HPSE2: variants seen among roughly 807,000 people sequenced by gnomAD.
The protein encoded by HPSE2 is inactive heparanase-2.
Under a neutral mutation model 60.5 loss-of-function variants are expected in HPSE2, and 38 were observed. The observed-to-expected ratio is 0.63, with a 90% confidence interval of 0.48 to 0.82. The LOEUF is 0.82. Among genes scored for constraint, HPSE2 ranks in the 40% least tolerant of loss-of-function variants. The pLI, the probability that HPSE2 is intolerant of heterozygous loss-of-function variation, is 0.00. For synonymous variants in HPSE2, 295 were observed against 293.2 expected, an observed-to-expected ratio of 1.01 and a Z score of -0.06; for missense variants, 713 against 740.4, an observed-to-expected ratio of 0.96 and a Z score of 0.43.
chr10:99,235,456 G>T, intron 1 of HPSE2, 57 bp downstream of exon 1: 3 of 1,474,126 alleles, frequency 2.0e-6, no homozygotes, highest in Non-Finnish European at 2.8e-6. Flanking sequence ...GGATAGGAAG[G>T]GCTTGAGGGG....
intron 11 of HPSE2, among the ~76,000 whole-genome samples, chr10:98,472,397 C>G (rs1940815328): frequency 6.6e-6 from 1 of 152,134 alleles, no homozygotes; most frequent in Non-Finnish European, 1.5e-5. Flanking sequence ...GCTTGTCTTT[C>G]CTGCTGAGGG....
At chr10:99,086,929 T>C (rs927506016) in intron 3 of HPSE2, among the ~76,000 whole-genome samples, 2 of 152,214 alleles carry the variant, frequency 1.3e-5, no homozygotes, top group Non-Finnish European at 2.9e-5. Context: ...AAAAGATCCC[T>C]AGCAATTATT....
intron 2 of HPSE2, among the ~76,000 whole-genome samples, chr10:99,204,203 C>T (rs1022482256): frequency 9.2e-5 from 14 of 152,090 alleles, no homozygotes. Flanking sequence ...AACCTAGGCT[C>T]GAGGCCCAAT....
At chr10:98,722,508 G>C (rs1948953062) in intron 4 of HPSE2, among the ~76,000 whole-genome samples, 1 of 152,070 alleles carries the variant, frequency 6.6e-6, no homozygotes, top group South Asian at 2.1e-4. Flanking sequence ...CGAAATTTGT[G>C]ATAATTTGTT....
At chr10:99,241,541 G>T in the HPSE2 span, among the ~76,000 whole-genome samples, 2 of 152,112 alleles carry the variant, frequency 1.3e-5, no homozygotes, top group Admixed American at 6.5e-5. Flanking sequence ...AGGATTGCTC[G>T]AGCCCAGGAG....
rs1199855666 is a variant in HPSE2 at position 98,941,925 on chromosome 10, A to G, written c.611-197869T>C. ...GAACAGAGCCCTCAGAAATAATGCCACATATCTACAGCTATCTGATCTTTG... is the reference window on the plus strand; with the variant it reads ...GAACAGAGCCCTCAGAAATAATGCCGCATATCTACAGCTATCTGATCTTTG... On this transcript the variant is annotated intron_variant, in intron 3 of 11. Transcript: ENST00000370552. Among the ~76,000 whole-genome samples, 22 of 141,180 alleles carry G rather than the reference A, an allele frequency of 1.6e-4. 3 individuals are homozygous for G. Among genetic ancestry groups the G allele is most frequent in the East Asian group, 9.9e-4 (5 of 5,026 alleles). The allele number at this position is 141,180 out of a possible 152,430, so 92.6% of individuals were successfully genotyped here. A position where few individuals can be genotyped will look rare whatever the true frequency, so the allele number is the denominator to read the frequency against.
intron 9 of HPSE2, among the ~76,000 whole-genome samples, chr10:98,492,316 C>T (rs543054021): frequency 7.6e-4 from 115 of 152,132 alleles, no homozygotes; most frequent in African/African-American, 2.6e-3. Context: ...TCCTGGCTAA[C>T]ACGGTGAAAC....
At chr10:98,725,782 C>T (rs1210358019) in intron 4 of HPSE2, among the ~76,000 whole-genome samples, 2 of 152,008 alleles carry the variant, frequency 1.3e-5, no homozygotes, top group Admixed American at 6.6e-5. Context: ...TGAACTCAAA[C>T]AAATTTGCAA....
intron 5 of HPSE2, among the ~76,000 whole-genome samples, chr10:98,718,277 T>A (rs1361162078): frequency 2.0e-5 from 3 of 152,164 alleles, no homozygotes; most frequent in African/African-American, 7.2e-5. Flanking sequence ...ATTAAGTAAT[T>A]CCCATTTTCC....
At chr10:98,864,743 G>GT (rs1041210123) in intron 3 of HPSE2, among the ~76,000 whole-genome samples, 3 of 151,896 alleles carry the variant, frequency 2.0e-5, no homozygotes, top group Non-Finnish European at 2.9e-5. Context: ...GTATGACCAG[G>GT]TTTTTTTTCT....
chr10:98,672,368 C>T (rs941070590), intron 6 of HPSE2, among the ~76,000 whole-genome samples: 2 of 152,198 alleles, frequency 1.3e-5, no homozygotes, highest in Admixed American at 6.5e-5. Context: ...TAGACAATAA[C>T]GAAATTACAT....
At chr10:99,069,473 T>C (rs1372497607) in intron 3 of HPSE2, among the ~76,000 whole-genome samples, 1 of 151,956 alleles carries the variant, frequency 6.6e-6, no homozygotes, top group Non-Finnish European at 1.5e-5. Context: ...TCATATCTCA[T>C]ATTTCAGGTT....
At chr10:98,593,577 G>A (rs936093821) in intron 9 of HPSE2, among the ~76,000 whole-genome samples, 1 of 152,180 alleles carries the variant, frequency 6.6e-6, no homozygotes, top group African/African-American at 2.4e-5. Context: ...ATCCAGACAA[G>A]AAATATAGAG....
intron 4 of HPSE2, among the ~76,000 whole-genome samples, chr10:98,727,635 G>A (rs1473915437): frequency 6.6e-6 from 1 of 151,562 alleles, no homozygotes; most frequent in Admixed American, 6.6e-5. Context: ...CAGCCTAGGT[G>A]ACAGAGTGAG....
chr10:99,228,449 T>TA (rs531859342), intron 2 of HPSE2, among the ~76,000 whole-genome samples: 1 of 152,062 alleles, frequency 6.6e-6, no homozygotes, highest in African/African-American at 2.4e-5. Context: ...GTTATGGTCT[T>TA]AAAAAAACAT....
chr10:99,153,015 A>C (rs1016663550), intron 2 of HPSE2, among the ~76,000 whole-genome samples: 1 of 152,228 alleles, frequency 6.6e-6, no homozygotes, highest in Non-Finnish European at 1.5e-5. Flanking sequence ...AATCGGGTCA[A>C]TCCCATCCAA....
Position 98,994,364 on chromosome 10 carries a change from C to A in HPSE2, c.610+149874G>T, listed in dbSNP as rs79454939. On this transcript the variant is annotated intron_variant, in intron 3 of 11. Transcript: ENST00000370552. ...GCTTCCATGTCCCTCCTCAACCAGA[C>A]AGCAGCTGCAGCTACATCAAGTCAA... Among the ~76,000 whole-genome samples, 62 of 152,254 alleles carry A rather than the reference C, an allele frequency of 4.1e-4. No homozygotes were observed. The East Asian group carries it at 9.7e-3, about 24-fold the overall frequency.
intron 9 of HPSE2, among the ~76,000 whole-genome samples, chr10:98,592,837 A>G (rs1945126711): frequency 6.6e-6 from 1 of 152,182 alleles, no homozygotes; most frequent in Admixed American, 6.5e-5. Context: ...AGATACTTCA[A>G]AAAGTCATCC....
chr10:98,999,194 T>A (rs963861571), intron 3 of HPSE2, among the ~76,000 whole-genome samples: 3 of 150,086 alleles, frequency 2.0e-5, no homozygotes, highest in Non-Finnish European at 4.4e-5. Flanking sequence ...TGTGTGTGTG[T>A]GCATGTGTGT....
Sources: allele counts gnomAD v4.1 joint callset (sites outside exome capture counted in the v4.1 genomes callset), GRCh38; gene constraint gnomAD v4.1.1; transcripts MANE v1.5; gene names NCBI Gene and HGNC (gene_info 2026-07-23, HGNC 2026-07-21).